Variants in PCLO observed in about 807,000 individuals in gnomAD.
The protein encoded by PCLO is piccolo presynaptic cytomatrix protein.
PCLO carries 82 observed loss-of-function variants against 427.5 expected under a neutral mutation model. That is an observed-to-expected ratio of 0.19 (90% CI 0.16 to 0.23). The LOEUF is 0.23. Ranked by LOEUF, PCLO falls within the 10% of genes least tolerant of loss-of-function variation. The pLI is 1.00. For synonymous variants in PCLO, 2,357 were observed against 2,155.4 expected (o/e 1.09, Z -2.59); for missense variants, 6,239 against 6,115.9 (o/e 1.02, Z -0.67).
At chr7:82,898,123 A>C (rs540864603) in intron 9 of PCLO, among the ~76,000 whole-genome samples, 104 of 151,696 alleles carry the variant, frequency 6.9e-4, no homozygotes, top group African/African-American at 2.4e-3. Flanking sequence ...ACTTAATAGA[A>C]GGCAGCTGAA....
At chr7:82,910,144 CTTATCCT>C (rs59432106) in intron 7 of PCLO, among the ~76,000 whole-genome samples, 32,661 of 151,786 alleles carry the variant, frequency 0.22, 4,378 homozygotes, top group East Asian at 0.59. Context: ...TCCTCAAGTG[CTTATCCT>C]TTAAAGATTT....
At chr7:83,022,655 T>G (rs1257365816) in intron 3 of PCLO, among the ~76,000 whole-genome samples, 1 of 152,202 alleles carries the variant, frequency 6.6e-6, no homozygotes, top group Non-Finnish European at 1.5e-5. Flanking sequence ...ATATTTTCTT[T>G]CAAAATAGAC....
chr7:83,147,549 C>A (rs1792025930), intron 2 of PCLO, among the ~76,000 whole-genome samples: 1 of 151,996 alleles, frequency 6.6e-6, no homozygotes, highest in Admixed American at 6.6e-5. Context: ...AAGAAACTGA[C>A]CAAACTTGGC....
At chr7:83,132,345 A>G (rs993144084) in intron 3 of PCLO, among the ~76,000 whole-genome samples, 4 of 152,180 alleles carry the variant, frequency 2.6e-5, no homozygotes, top group Non-Finnish European at 4.4e-5. Flanking sequence ...CATTTGAAGT[A>G]TGACCTCATC....
chr7:82,988,164 A>C (rs895023489), intron 3 of PCLO, among the ~76,000 whole-genome samples: 1 of 152,068 alleles, frequency 6.6e-6, no homozygotes, highest in African/African-American at 2.4e-5. Context: ...ACAGGCATGT[A>C]CCATCATGAC....
At chr7:82,883,701 T>C (rs1793563405) in intron 9 of PCLO, among the ~76,000 whole-genome samples, 1 of 152,202 alleles carries the variant, frequency 6.6e-6, no homozygotes, top group Admixed American at 6.5e-5. Flanking sequence ...ATTAGCTTTT[T>C]CTTATCCAGC....
At position 83,063,542 on chromosome 7, in the gene PCLO, G is replaced by T. The variant is rs570229171; in HGVS notation, c.3300+70708C>A. 8.5e-5 allele frequency among the ~76,000 whole-genome samples: 13 copies of T among 152,188 alleles called. No individual in the cohort carries two copies. In the South Asian group the frequency reaches 2.7e-3, roughly 32 times the overall value. ...AATAAGCTTTGTGTTAGAGGATTTT[G>T]CCCAATTCTAGGCTGGTGCAAGTTT... On this transcript the variant is annotated intron_variant, in intron 3 of 24. Coordinates refer to ENST00000333891, the MANE Select transcript of PCLO (RefSeq NM_033026.6).
intron 6 of PCLO, among the ~76,000 whole-genome samples, chr7:82,921,123 T>A (rs1203642535): frequency 6.6e-6 from 1 of 151,844 alleles, no homozygotes; most frequent in Non-Finnish European, 1.5e-5. Context: ...GAAATTATTG[T>A]TTGAAGAAAC....
chr7:83,028,102 G>C (rs919431243), intron 3 of PCLO, among the ~76,000 whole-genome samples: 1 of 151,646 alleles, frequency 6.6e-6, no homozygotes, highest in Non-Finnish European at 1.5e-5. Context: ...GGAAGTTCTG[G>C]CCAGGGCAAT....
At chr7:82,922,606 T>C (rs545470414) in intron 6 of PCLO, among the ~76,000 whole-genome samples, 12 of 150,810 alleles carry the variant, frequency 8.0e-5, no homozygotes, top group Non-Finnish European at 1.3e-4. Flanking sequence ...GGGAGAAGAG[T>C]GGTGATCGAA....
At chr7:82,863,428 A>G (rs1173964672) in intron 10 of PCLO, among the ~76,000 whole-genome samples, 1 of 151,956 alleles carries the variant, frequency 6.6e-6, no homozygotes, top group Non-Finnish European at 1.5e-5. Context: ...TTATATCACA[A>G]TGAAGAATTA....
intron 10 of PCLO, among the ~76,000 whole-genome samples, chr7:82,854,170 T>G (rs776428326): frequency 5.9e-5 from 9 of 152,108 alleles, no homozygotes; most frequent in Non-Finnish European, 1.3e-4. Flanking sequence ...TGGCTTTGTC[T>G]TTGCTCCCCT....
intron 3 of PCLO, among the ~76,000 whole-genome samples, chr7:83,075,890 G>A (rs1311765897): frequency 6.6e-6 from 1 of 152,046 alleles, no homozygotes; most frequent in Non-Finnish European, 1.5e-5. Flanking sequence ...CAGGAAATAG[G>A]AGGTAGAAAT....
chr7:83,023,860 T>A (rs1435655099), intron 3 of PCLO, among the ~76,000 whole-genome samples: 1 of 152,208 alleles, frequency 6.6e-6, no homozygotes, highest in Non-Finnish European at 1.5e-5. Flanking sequence ...GTATGGCAAA[T>A]CTTATGGTTT....
intron 2 of PCLO, among the ~76,000 whole-genome samples, chr7:83,149,355 C>A (rs956990408): frequency 2.0e-5 from 3 of 152,130 alleles, no homozygotes; most frequent in African/African-American, 7.2e-5. Flanking sequence ...TTTCCATTTT[C>A]TTTCTACCTT....
At chr7:82,987,778 A>T (rs1291914947) in intron 3 of PCLO, among the ~76,000 whole-genome samples, 1 of 152,162 alleles carries the variant, frequency 6.6e-6, no homozygotes, top group Non-Finnish European at 1.5e-5. Context: ...ATATGAAATT[A>T]AAAGTAGAAA....
At chr7:82,797,314 A>C (rs1004376632) in intron 22 of PCLO, among the ~76,000 whole-genome samples, 8 of 152,190 alleles carry the variant, frequency 5.3e-5, no homozygotes, top group Admixed American at 4.6e-4. Context: ...AGGAGACTTA[A>C]TGGATCAAGG....
At chr7:82,810,800 C>T (rs905023832) in intron 20 of PCLO, among the ~76,000 whole-genome samples, 4 of 151,666 alleles carry the variant, frequency 2.6e-5, no homozygotes, top group African/African-American at 9.7e-5. Context: ...CTTCCCTCTA[C>T]CACACAGTAC....
chr7:82,972,034 G>A (rs189054719), intron 3 of PCLO, among the ~76,000 whole-genome samples: 20 of 151,772 alleles, frequency 1.3e-4, no homozygotes, highest in Admixed American at 4.6e-4. Context: ...ACCAATCACC[G>A]TTTATTCAGT....
Sources: gnomAD v4.1 joint callset for allele counts (sites outside exome capture counted in the v4.1 genomes callset) on GRCh38, gnomAD v4.1.1 for gene constraint, MANE v1.5 for transcripts, NCBI Gene and HGNC (gene_info 2026-07-23, HGNC 2026-07-21) for gene names.